The following KCNQ1 variants were observed in gnomAD, a reference collection of about 807,000 sequenced individuals.
The protein encoded by KCNQ1 is potassium voltage-gated channel subfamily KQT member 1.
In KCNQ1, 49 loss-of-function variants were observed where a neutral mutation model predicts 72.4. The observed-to-expected ratio is 0.68, with a 90% CI of 0.54 to 0.86. KCNQ1 has a LOEUF of 0.86. Among genes scored for constraint, KCNQ1 ranks in the 40% least tolerant of loss-of-function variants. The probability of loss-of-function intolerance (pLI) is 0.00; values close to 1 mark genes in which losing one functional copy is unlikely to be tolerated. For missense variants in KCNQ1, 790 were observed against 945.1 expected (o/e 0.84, Z 2.15); for synonymous variants, 450 against 412.6 (o/e 1.09, Z -1.10).
intron 10 of KCNQ1, chr11:2,634,174 CT>C (rs201811937): frequency 2.0e-5 from 8 of 393,436 alleles, no homozygotes; most frequent in Admixed American, 4.5e-5. Context: ...CTCTCTCTCC[CT>C]TTTTTTTATT....
intron 2 of KCNQ1, among the ~76,000 whole-genome samples, chr11:2,539,902 T>G (rs56314930): frequency 0.063 from 9,538 of 152,298 alleles, 384 homozygotes; most frequent in Non-Finnish European, 0.091. Context: ...GGTTGGGTTA[T>G]GTCCTTGTTT....
chr11:2,558,255 A>G (rs527357562), intron 2 of KCNQ1, among the ~76,000 whole-genome samples: 265 of 152,302 alleles, frequency 1.7e-3, no homozygotes, highest in African/African-American at 6.1e-3. Flanking sequence ...TGGTGGCTTC[A>G]CTGTGTTTGC....
At chr11:2,586,569 C>T (rs935487879) in intron 8 of KCNQ1, among the ~76,000 whole-genome samples, 1 of 152,138 alleles carries the variant, frequency 6.6e-6, no homozygotes, top group Non-Finnish European at 1.5e-5. Context: ...AGTAGGGGCC[C>T]CAGGTGGCAG....
At position 2,750,728 on chromosome 11, in the gene KCNQ1, T is replaced by C. The variant is rs1038674446; in HGVS notation, c.1515-18116T>C. Among the ~76,000 whole-genome samples the C allele has an allele frequency of 2.0e-5, 3 of 152,180 alleles. No individual in the cohort carries two copies. The highest frequency in any genetic ancestry group is 7.2e-5 in the African/African-American group (3 of 41,438). The stretch of plus-strand genomic sequence containing the variant: ...TTTCAGTCAGGCCATTACCAATGGC[T>C]CATAATCTCCTGGGCTGCTGGGCGA... On this transcript the variant is annotated intron_variant, in intron 11 of 15. Coordinates refer to ENST00000155840, the MANE Select transcript of KCNQ1 (RefSeq NM_000218.3). This position sits in a 1 kb window ranked among gnomAD's most constrained non-coding sequence, Gnocchi z 6.3.
chr11:2,618,611 T>C (rs1053145571), intron 10 of KCNQ1: 1 of 398,478 alleles, frequency 2.5e-6, no homozygotes, highest in African/African-American at 2.1e-5. Context: ...TTTTGTAAAA[T>C]AAACCAGAAA....
At chr11:2,812,334 C>T (rs1847506018) in intron 15 of KCNQ1, among the ~76,000 whole-genome samples, 1 of 152,110 alleles carries the variant, frequency 6.6e-6, no homozygotes, top group African/African-American at 2.4e-5. Flanking sequence ...TCTCTGCTTC[C>T]TTCTCTCCTT....
chr11:2,659,452 T>G lies in KCNQ1; in HGVS notation c.1394-2509T>G. 2.5e-6 allele frequency: 1 copy of G among 398,620 alleles called. No homozygotes were observed. Among genetic ancestry groups the G allele is most frequent in the Non-Finnish European group, 4.4e-6 (1 of 226,044 alleles). The allele number at this position is 398,620 out of a possible 1,614,324, so 24.7% of individuals were successfully genotyped here. A position where few individuals can be genotyped will look rare whatever the true frequency, so the allele number is the denominator to read the frequency against. Reference sequence around the variant, plus strand: ...AAATCATTAGTTAATTTCTTTTTATTGCTGGGTGGTATTCCATTGCATGAA... The same window carrying G: ...AAATCATTAGTTAATTTCTTTTTATGGCTGGGTGGTATTCCATTGCATGAA... On this transcript the variant is annotated intron_variant, in intron 10 of 15. Coordinates refer to ENST00000155840, the MANE Select transcript of KCNQ1 (RefSeq NM_000218.3). This position sits in a 1 kb window ranked among gnomAD's most constrained non-coding sequence, Gnocchi z 4.3.
chr11:2,604,140 T>C (rs1427716529), intron 10 of KCNQ1, among the ~76,000 whole-genome samples: 2 of 152,094 alleles, frequency 1.3e-5, no homozygotes, highest in Admixed American at 6.5e-5. Context: ...AACATGTGGG[T>C]TTTTGTGTGG....
intron 10 of KCNQ1, chr11:2,655,623 A>G: frequency 2.5e-6 from 1 of 398,722 alleles, no homozygotes; most frequent in Non-Finnish European, 4.4e-6. Flanking sequence ...ACTTGCCCTC[A>G]AGCCCTGGCC....
At chr11:2,585,672 G>A (rs2133755414) in intron 8 of KCNQ1, among the ~76,000 whole-genome samples, 1 of 152,342 alleles carries the variant, frequency 6.6e-6, no homozygotes, top group Non-Finnish European at 1.5e-5. Context: ...CCAGGTGATT[G>A]TCCCCAAGGG....
Position 2,488,527 on chromosome 11 carries a change from T to G in KCNQ1, c.387-39401T>G, listed in dbSNP as rs1846779212. Among the ~76,000 whole-genome samples, 1 of 152,244 alleles carries G rather than the reference T, an allele frequency of 6.6e-6. No homozygotes were observed. The highest frequency in any genetic ancestry group is 2.4e-5 in the African/African-American group (1 of 41,470). On this transcript the variant is annotated intron_variant, in intron 1 of 15. Transcript: ENST00000155840. This position sits in a 1 kb window ranked among gnomAD's most constrained non-coding sequence, Gnocchi z 5.1. ...TTTTTTGATTACTGATTCAATCTCC[T>G]CACTAGTTATAGGTCCATGAAGATT...
rs180682694 is a variant in KCNQ1 at position 2,498,481 on chromosome 11, C to G, written c.387-29447C>G. On this transcript the variant is annotated intron_variant, in intron 1 of 15. Coordinates refer to ENST00000155840, the MANE Select transcript of KCNQ1 (RefSeq NM_000218.3). The surrounding 1 kb of genome is among the most constrained non-coding windows in gnomAD (Gnocchi z 4.8). The stretch of plus-strand genomic sequence containing the variant: ...TCCAAGCCTCCCAGCCTCCTTAGCA[C>G]TATCAGGGGAAAACCGCCTACTAAA... 6.6e-6 allele frequency among the ~76,000 whole-genome samples: 1 copy of G among 152,188 alleles called. No homozygotes were observed. Among genetic ancestry groups the G allele is most frequent in the Non-Finnish European group, 1.5e-5 (1 of 68,034 alleles).
chr11:2,800,957 C>T (rs2134025027), intron 15 of KCNQ1, among the ~76,000 whole-genome samples: 1 of 152,240 alleles, frequency 6.6e-6, no homozygotes, highest in Middle Eastern at 3.4e-3. Context: ...GAGAATGTTC[C>T]AGAAGGCATG....
chr11:2,557,816 A>G (rs1001355230), intron 2 of KCNQ1, among the ~76,000 whole-genome samples: 11 of 152,224 alleles, frequency 7.2e-5, no homozygotes, highest in Non-Finnish European at 1.5e-4. Context: ...AGGACTGGCA[A>G]AGAACTTCAT....
In KCNQ1 at chr11:2,484,993, G is replaced by A. The variant is rs1401733843; in HGVS notation, c.386+39509G>A. Among the ~76,000 whole-genome samples the A allele has an allele frequency of 6.6e-6, 1 of 152,138 alleles. No individual in the cohort carries two copies. The highest frequency in any genetic ancestry group is 1.9e-4 in the East Asian group (1 of 5,186). ...ACTGGCTCCATACTTGCTGATGCGT[G>A]CCCCCATGAGAAGTGACTGACCACC... On this transcript the variant is annotated intron_variant, in intron 1 of 15. Coordinates refer to ENST00000155840, the MANE Select transcript of KCNQ1 (RefSeq NM_000218.3). This position sits in a 1 kb window ranked among gnomAD's most constrained non-coding sequence, Gnocchi z 5.2.
chr11:2,823,308 A>G (rs546497011), intron 15 of KCNQ1, among the ~76,000 whole-genome samples: 1 of 152,370 alleles, frequency 6.6e-6, no homozygotes, highest in South Asian at 2.1e-4. Context: ...ATAAAATTCT[A>G]TACCTAGCCA....
At chr11:2,776,131 C>A in intron 13 of KCNQ1, 77 bp downstream of exon 13, 15 of 1,264,394 alleles carry the variant, frequency 1.2e-5, no homozygotes, top group Non-Finnish European at 1.7e-5. Context: ...ATCAGCGGTG[C>A]CGGAGGAGGG....
rs539146872 is a variant in KCNQ1 at position 2,474,112 on chromosome 11, G to A, written c.386+28628G>A. On this transcript the variant is annotated intron_variant, in intron 1 of 15. Coordinates refer to ENST00000155840, the MANE Select transcript of KCNQ1 (RefSeq NM_000218.3). ...TGGAGTGGTTTTTTGTCTTTCTTTCGAAACAGGCTTTCCTCACTGAGGGCT... is the reference window on the plus strand; with the variant it reads ...TGGAGTGGTTTTTTGTCTTTCTTTCAAAACAGGCTTTCCTCACTGAGGGCT... Among the ~76,000 whole-genome samples the A allele has an allele frequency of 2.9e-4, 44 of 152,260 alleles. 1 individual carries two copies. Among genetic ancestry groups the A allele is most frequent in the African/African-American group, 9.6e-4 (40 of 41,556 alleles).
Position 2,698,412 on chromosome 11 carries a change from G to A in KCNQ1, c.1514+36331G>A, listed in dbSNP as rs1850714320. 4 of 395,150 alleles carry A rather than the reference G, an allele frequency of 1.0e-5. No homozygotes were observed. The South Asian group carries it at 4.0e-4, about 39-fold the overall frequency. The allele number at this position is 395,150 out of a possible 1,614,324, so 24.5% of individuals were successfully genotyped here. On this transcript the variant is annotated intron_variant, in intron 11 of 15. Transcript: ENST00000155840. This position sits in a 1 kb window ranked among gnomAD's most constrained non-coding sequence, Gnocchi z 5.1. ...TGGGGTACTGGGATCTGAACATAGT[G>A]GTGGCCCTTCAAGCCTACTACCCAG... is the stretch of plus-strand genomic sequence containing the variant.
Sources: allele counts gnomAD v4.1 joint callset (sites outside exome capture counted in the v4.1 genomes callset), GRCh38; gene constraint gnomAD v4.1.1; non-coding constraint Gnocchi (gnomAD v3.1); transcripts MANE v1.5; gene names NCBI Gene and HGNC (gene_info 2026-07-23, HGNC 2026-07-21).